The following AHDC1 variants were observed in gnomAD, a reference collection of about 807,000 sequenced individuals.
AHDC1 encodes the protein transcription factor Gibbin.
AHDC1 carries 7 observed loss-of-function variants against 87.9 expected under a neutral mutation model. The ratio of observed to expected loss-of-function variants is 0.08; its 90% confidence interval spans 0.05 to 0.15. The LOEUF is 0.15. AHDC1 is among the 10% of genes least tolerant of loss of function. The pLI is 1.00. For synonymous variants in AHDC1, 1,051 were observed against 1,006.8 expected (o/e 1.04, Z -0.83); for missense variants, 1,841 against 2,253.2 (o/e 0.82, Z 3.70).
At chr1:27,536,107 C>G (rs565323961) in intron 8 of AHDC1, among the ~76,000 whole-genome samples, 1 of 152,336 alleles carries the variant, frequency 6.6e-6, no homozygotes, top group South Asian at 2.1e-4. Context: ...CGTCCTCCCC[C>G]ACACCAGCAG....
chr1:27,567,653 G>T (rs932040887), intron 3 of AHDC1, among the ~76,000 whole-genome samples: 1 of 152,078 alleles, frequency 6.6e-6, no homozygotes, highest in Non-Finnish European at 1.5e-5. Flanking sequence ...CCTCCTCTTT[G>T]CTCAACTTGG....
At chr1:27,540,226 A>G (rs1271957590) in intron 8 of AHDC1, among the ~76,000 whole-genome samples, 1 of 152,080 alleles carries the variant, frequency 6.6e-6, no homozygotes, top group Non-Finnish European at 1.5e-5. Flanking sequence ...AGAGGTCCAC[A>G]GGCCCAGTGA....
chr1:27,577,707 C>T (rs1386159094), intron 3 of AHDC1, among the ~76,000 whole-genome samples: 5 of 152,198 alleles, frequency 3.3e-5, no homozygotes, highest in Non-Finnish European at 5.9e-5. Flanking sequence ...GGAAGGCTGG[C>T]AGCAGCTGGC....
intron 7 of AHDC1, 97 bp from the exon 8 acceptor site, chr1:27,552,286 G>C (rs1376517437): frequency 8.4e-7 from 1 of 1,192,388 alleles, no homozygotes; most frequent in Non-Finnish European, 1.1e-6. Context: ...TCCCTCCTGA[G>C]GTCTCATCTC....
intron 5 of AHDC1, among the ~76,000 whole-genome samples, chr1:27,555,417 T>G (rs2019773742): frequency 6.6e-6 from 1 of 152,166 alleles, no homozygotes. Context: ...CATCCCTCTA[T>G]CCACTGTTCC....
intron 3 of AHDC1, among the ~76,000 whole-genome samples, chr1:27,594,061 A>T (rs2089299346): frequency 6.6e-6 from 1 of 152,192 alleles, no homozygotes; most frequent in Admixed American, 6.5e-5. Context: ...TAATGCAGGC[A>T]GAAGCAGCTC....
chr1:27,575,147 G>A (rs1017888602), intron 3 of AHDC1, among the ~76,000 whole-genome samples: 1 of 152,146 alleles, frequency 6.6e-6, no homozygotes, highest in Non-Finnish European at 1.5e-5. Context: ...ACTTCTCAGG[G>A]CCCGAAGAGC....
At chr1:27,578,011 A>T (rs1355152888) in intron 3 of AHDC1, among the ~76,000 whole-genome samples, 1 of 152,118 alleles carries the variant, frequency 6.6e-6, no homozygotes, top group East Asian at 1.9e-4. Flanking sequence ...TAAGGGTGTA[A>T]CCTCTGGCGA....
At chr1:27,600,730 C>T (rs963033223) in intron 3 of AHDC1, among the ~76,000 whole-genome samples, 5 of 152,214 alleles carry the variant, frequency 3.3e-5, no homozygotes, top group Non-Finnish European at 7.3e-5. Context: ...AGCACAACCA[C>T]AGCAATCAGG....
At chr1:27,566,498 G>A (rs866083314) in intron 3 of AHDC1, among the ~76,000 whole-genome samples, 6 of 151,894 alleles carry the variant, frequency 4.0e-5, no homozygotes, top group African/African-American at 1.2e-4. Flanking sequence ...ACAGACAGGC[G>A]GAGGCACAGA....
At chr1:27,571,785 G>A (rs1007868257) in intron 3 of AHDC1, among the ~76,000 whole-genome samples, 11 of 151,478 alleles carry the variant, frequency 7.3e-5, no homozygotes, top group Admixed American at 3.3e-4. Flanking sequence ...CAAACCCGCC[G>A]GGGTGGGTTT....
In AHDC1 at chr1:27,549,308, T is replaced by G; in HGVS notation, c.2808A>C (p.Ser936=). ...GGAAGGTCTCGGCTGCCCGGCAGTC[T>G]GAAGCGGCTGGAGTTAGCCCATAGC... is the stretch of plus-strand genomic sequence containing the variant. ...AASYGLTPAA[S]DCRAAETFPK... Residue 936 remains serine (S), a synonymous_variant, in exon 8 of 9, where the codon TCA becomes TCC. Transcript: ENST00000673934. 1 of 1,607,054 alleles carries G rather than the reference T, an allele frequency of 6.2e-7. No individual in the cohort carries two copies. Among genetic ancestry groups the G allele is most frequent in the Non-Finnish European group, 8.5e-7 (1 of 1,175,082 alleles).
At chr1:27,570,519 A>T (rs1244820169) in intron 3 of AHDC1, among the ~76,000 whole-genome samples, 1 of 151,998 alleles carries the variant, frequency 6.6e-6, no homozygotes, top group Non-Finnish European at 1.5e-5. Flanking sequence ...CTTGATCCGT[A>T]CCCTAGATCT....
At chr1:27,596,895 C>T (rs980967048) in intron 3 of AHDC1, among the ~76,000 whole-genome samples, 7 of 152,154 alleles carry the variant, frequency 4.6e-5, no homozygotes, top group African/African-American at 1.2e-4. Flanking sequence ...CTCCCTGTCA[C>T]ACCCGTACCC....
chr1:27,591,094 T>C (rs1221431764), intron 3 of AHDC1, among the ~76,000 whole-genome samples: 6 of 152,190 alleles, frequency 3.9e-5, no homozygotes, highest in African/African-American at 1.4e-4. Context: ...AACCCATCCA[T>C]CAGCTGTTGC....
chr1:27,541,822 G>A (rs542623392), intron 8 of AHDC1, among the ~76,000 whole-genome samples: 1 of 152,238 alleles, frequency 6.6e-6, no homozygotes, highest in East Asian at 1.9e-4. Context: ...TAGAGACAGG[G>A]TTTCACCACG....
chr1:27,570,293 G>A (rs1431076301), intron 3 of AHDC1, among the ~76,000 whole-genome samples: 1 of 151,802 alleles, frequency 6.6e-6, no homozygotes, highest in Non-Finnish European at 1.5e-5. Flanking sequence ...ACTCCCCCTT[G>A]AGCTGGCAGC....
intron 8 of AHDC1, among the ~76,000 whole-genome samples, chr1:27,537,821 T>C (rs2018714210): frequency 6.6e-6 from 1 of 152,118 alleles, no homozygotes. Context: ...GGGCATTAAG[T>C]GGTCTCTGCC....
chr1:27,551,087 G>A lies in AHDC1; in HGVS notation c.1029C>T (p.Val343=), dbSNP rs2019528197. 2 of 1,567,800 alleles carry A rather than the reference G, an allele frequency of 1.3e-6. No homozygotes were observed. The highest frequency in any genetic ancestry group is 2.3e-5 in the East Asian group (1 of 43,518). Residue 343 remains valine, a synonymous_variant, in exon 8 of 9, where the codon GTC becomes GTT. Coordinates refer to ENST00000673934, the MANE Select transcript of AHDC1 (RefSeq NM_001371928.1). ...GCTGGGGCTCCAGACGGCGACCTGG[G>A]ACGTCAAGCAGCTTGGGCAGGGGGT... The part of the protein sequence containing the change: ...ALDPLPKLLD[V]PGRRLEPQQP...
Sources: gnomAD v4.1 joint callset for allele counts (sites outside exome capture counted in the v4.1 genomes callset) on GRCh38, gnomAD v4.1.1 for gene constraint, MANE v1.5 for transcripts, NCBI Gene and HGNC (gene_info 2026-07-23, HGNC 2026-07-21) for gene names.